Variants in TPR observed in about 807,000 individuals in gnomAD.
TPR encodes the protein nucleoprotein TPR.
Under a neutral mutation model 316.1 loss-of-function variants are expected in TPR, and 51 were observed. The observed-to-expected ratio is 0.16, with a 90% CI of 0.13 to 0.20. The LOEUF (loss-of-function observed/expected upper bound fraction) is 0.20, where lower values mean the gene tolerates loss of function less well. Among genes scored for constraint, TPR ranks in the 10% least tolerant of loss-of-function variants. The pLI is 1.00. For synonymous variants in TPR, 981 were observed against 914.7 expected, an observed-to-expected ratio of 1.07 and a Z score of -1.31; for missense variants, 2,272 against 2,754.8, an observed-to-expected ratio of 0.82 and a Z score of 3.92.
At chr1:186,324,201 C>T (rs188293704) in intron 42 of TPR, among the ~76,000 whole-genome samples, 26 of 151,812 alleles carry the variant, frequency 1.7e-4, no homozygotes, top group East Asian at 5.8e-4. Context: ...GCTCTTAGCT[C>T]GACCTATGAT....
chr1:186,345,558 C>T, intron 24 of TPR, 22 bp downstream of exon 24: 1 of 1,549,242 alleles, frequency 6.5e-7, no homozygotes, highest in Non-Finnish European at 8.9e-7. Context: ...AAGCTCATTT[C>T]TCAATAATTG....
In TPR at chr1:186,312,777, C is replaced by G. The variant is rs750688165; in HGVS notation, c.*1194G>C. 1.2e-6 allele frequency: 2 copies of G among 1,612,822 alleles called. No individual in the cohort carries two copies. Among genetic ancestry groups the G allele is most frequent in the Non-Finnish European group, 1.7e-6 (2 of 1,179,012 alleles). On this transcript the variant is annotated 3_prime_UTR_variant, in exon 51 of 51. Transcript: ENST00000367478. Reference sequence around the variant, plus strand: ...AAACATGCCACTTACAGGTGTCCTTCATAATGAAGTTAAAGTGAGTATACT... The same window carrying G: ...AAACATGCCACTTACAGGTGTCCTTGATAATGAAGTTAAAGTGAGTATACT...
Position 186,368,626 on chromosome 1 carries a change from T to C in TPR, c.331-644A>G, listed in dbSNP as rs139368069. Among the ~76,000 whole-genome samples, 23 of 152,308 alleles carry C rather than the reference T, an allele frequency of 1.5e-4. No homozygotes were observed. The East Asian group carries it at 4.3e-3, about 28-fold the overall frequency. The stretch of plus-strand genomic sequence containing the variant: ...CCCTGTCTCAAAAACAAAAAACTTG[T>C]CAAACTGCTTCCCAGCAAAACAATG... On this transcript the variant is annotated intron_variant, in intron 3 of 50. Transcript: ENST00000367478.
rs372068256 is a variant in TPR at position 186,332,259 on chromosome 1, G to A, written c.5540C>T (p.Ser1847Phe). 2.1e-5 allele frequency: 34 copies of A among 1,612,624 alleles called. No individual in the cohort carries two copies. The highest frequency in any genetic ancestry group is 2.5e-5 in the Non-Finnish European group (29 of 1,179,358). ...AAGAGGCATTTCCACTGTATCATCA[G>A]AGACTTGGTCTGATGCTTCTATGGT... is the stretch of plus-strand genomic sequence containing the variant. ...DSTIEASDQV[S>F]DDTVEMPLPK... Residue 1847 changes from serine to phenylalanine, a missense_variant, in exon 38 of 51, where the codon TCT becomes TTT. Physicochemically the swap from Ser to Phe is radical, Grantham distance 155. Around this residue, in one of 10 missense-constraint regions of TPR, gnomAD observed 435 missense variants for 461.1 expected, o/e 0.94. Transcript: ENST00000367478.
At chr1:186,357,156 C>G (rs577276611) in intron 14 of TPR, among the ~76,000 whole-genome samples, 1 of 152,220 alleles carries the variant, frequency 6.6e-6, no homozygotes, top group Admixed American at 6.5e-5. Flanking sequence ...GTGATCCTCC[C>G]ACCTCAGCCT....
chr1:186,373,296 T>C, intron 2 of TPR, 63 bp downstream of exon 2: 1 of 1,162,222 alleles, frequency 8.6e-7, no homozygotes, highest in Non-Finnish European at 1.3e-6. Flanking sequence ...CCAAAGTATA[T>C]AAAGGAGTCT....
rs773537863 is a variant in TPR at position 186,335,414 on chromosome 1, C to T, written c.4835G>A (p.Arg1612His). 3 of 1,613,810 alleles carry T rather than the reference C, an allele frequency of 1.9e-6. No individual in the cohort carries two copies. The highest frequency in any genetic ancestry group is 2.2e-5 in the East Asian group (1 of 44,864). The change falls in exon 34 of 51, where the codon CGC becomes CAC. Residue 1612 changes from arginine to histidine, a missense_variant. Arg to His is a conservative substitution (Grantham distance 29). This residue lies in a region of TPR where 109 missense variants were observed against 215.3 expected (regional missense o/e 0.51). Coordinates refer to ENST00000367478, the MANE Select transcript of TPR (RefSeq NM_003292.3). The part of the protein sequence containing the change: ...LKSQYEGRIS[R>H]LERELREHQE... ...ATGCTCCCTGAGTTCTCTTTCCAAG[C>T]GACTAATTCGACCTTCATATTGGGA...
Position 186,314,674 on chromosome 1 carries a change from T to C in TPR, c.6991A>G (p.Thr2331Ala), listed in dbSNP as rs368457946. ...KPFRRVRLQTTLRQGVRGRQF... is the reference protein window; with the variant it reads ...KPFRRVRLQTALRQGVRGRQF... ...CGACCACGGACACCTTGTCTCAATG[T>C]TGTCTGAAGTCTTACTCGTCTGAAA... The change falls in exon 50 of 51, where the codon ACA (threonine) becomes GCA (alanine). Residue 2331 changes from threonine to alanine, a missense_variant. Physicochemically the swap from Thr to Ala is moderately conservative, Grantham distance 58. Around this residue, in one of 10 missense-constraint regions of TPR, gnomAD observed 123 missense variants for 142.3 expected, o/e 0.86. Coordinates refer to ENST00000367478, the MANE Select transcript of TPR (RefSeq NM_003292.3). 11 of 1,612,836 alleles carry C rather than the reference T, an allele frequency of 6.8e-6. No homozygotes were observed. Among genetic ancestry groups the C allele is most frequent in the East Asian group, 2.2e-5 (1 of 44,790 alleles).
chr1:186,366,844 A>G (rs762253697), intron 4 of TPR, among the ~76,000 whole-genome samples: 5 of 151,890 alleles, frequency 3.3e-5, no homozygotes, highest in Non-Finnish European at 5.9e-5. Context: ...TTAAAAAACT[A>G]TCTATTAAAT....
In TPR at chr1:186,313,614, A is replaced by G. The variant is rs376428198; in HGVS notation, c.*357T>C. ...ATTGTCTTTGAGCATAATAGTCAAC[A>G]TAAGTTATTTTTTAGTTTGGGCATT... On this transcript the variant is annotated 3_prime_UTR_variant, in exon 51 of 51. Coordinates refer to ENST00000367478, the MANE Select transcript of TPR (RefSeq NM_003292.3). 3.5e-5 allele frequency: 32 copies of G among 921,372 alleles called. No homozygotes were observed. The East Asian group carries it at 6.5e-4, about 19-fold the overall frequency. 57.1% of individuals were successfully genotyped at this position (921,372 alleles called of 1,614,324 possible). A position where few individuals can be genotyped will look rare whatever the true frequency, so the allele number is the denominator to read the frequency against.
chr1:186,318,734 T>C lies in TPR; in HGVS notation c.6663A>G (p.Pro2221=). 6.2e-7 allele frequency: 1 copy of C among 1,614,186 alleles called. No homozygotes were observed. The highest frequency in any genetic ancestry group is 8.5e-7 in the Non-Finnish European group (1 of 1,180,030). ...VPTTPLQVAA[P]VTVFTESTTS... ...CTACTATCTGCCTTTGATCCCTACC[T>C]GGGGCTGCTACTTGTAGTGGAGTAG... The change falls in exon 47 of 51, where the codon CCA becomes CCG. Residue 2221 remains proline (P), a splice_region_variant and synonymous_variant. Transcript: ENST00000367478.
chr1:186,341,570 A>G, intron 27 of TPR, 181 bp from the exon 28 acceptor site: 1 of 548,932 alleles, frequency 1.8e-6, no homozygotes, highest in Non-Finnish European at 3.1e-6. Context: ...GCAGACTTTA[A>G]ACAAATACAA....
intron 12 of TPR, 122 bp from the exon 13 acceptor site, chr1:186,358,772 T>C (rs906958103): frequency 4.0e-6 from 3 of 740,814 alleles, no homozygotes; most frequent in Non-Finnish European, 6.5e-6. Context: ...AAATCCTACA[T>C]AATATTGTAG....
In TPR at chr1:186,311,669, CTT is replaced by C; in HGVS notation, c.*2300_*2301del. The C allele has an allele frequency of 6.9e-7, 1 of 1,443,390 alleles. No individual in the cohort carries two copies. The highest frequency in any genetic ancestry group is 1.4e-5 in the African/African-American group (1 of 71,166). The allele number at this position is 1,443,390 out of a possible 1,614,324, so 89.4% of individuals were successfully genotyped here. On this transcript the variant is annotated 3_prime_UTR_variant, in exon 51 of 51. Coordinates refer to ENST00000367478, the MANE Select transcript of TPR (RefSeq NM_003292.3). ...ACTCAGCATTTTCATTTATTATTGACTTTACTGTCAAAAGATATCTTTAATGG... is the reference window on the plus strand; with the variant it reads ...ACTCAGCATTTTCATTTATTATTGACTACTGTCAAAAGATATCTTTAATGG...
intron 49 of TPR, among the ~76,000 whole-genome samples, chr1:186,315,448 T>C (rs1314929335): frequency 6.6e-6 from 1 of 152,066 alleles, no homozygotes; most frequent in Non-Finnish European, 1.5e-5. Context: ...ATGCAATCAT[T>C]AGCAAATCAT....
chr1:186,348,122 A>G (rs1365181210), intron 21 of TPR, among the ~76,000 whole-genome samples: 1 of 152,188 alleles, frequency 6.6e-6, no homozygotes, highest in African/African-American at 2.4e-5. Flanking sequence ...GGTTGGGCAA[A>G]AACAGCCATA....
intron 21 of TPR, 66 bp from the exon 22 acceptor site, chr1:186,347,524 G>A (rs3753564): frequency 6.6e-7 from 1 of 1,516,370 alleles, no homozygotes; most frequent in Non-Finnish European, 8.9e-7. Context: ...CTGTTATAAA[G>A]AGCTTATGAA....
chr1:186,326,248 T>C lies in TPR; in HGVS notation c.5890-13A>G, dbSNP rs1657928061. 1.9e-6 allele frequency: 3 copies of C among 1,596,948 alleles called. No homozygotes were observed. The highest frequency in any genetic ancestry group is 3.4e-5 in the Admixed American group (2 of 58,210). On this transcript the variant is annotated splice_polypyrimidine_tract_variant and intron_variant, in intron 40 of 50. Coordinates refer to ENST00000367478, the MANE Select transcript of TPR (RefSeq NM_003292.3). ...CCTCTTCATAATCCTAGTAGAAAGTTCCCCAGGCATAAATAAAAGTTTAGA... is the reference window on the plus strand; with the variant it reads ...CCTCTTCATAATCCTAGTAGAAAGTCCCCCAGGCATAAATAAAAGTTTAGA...
At chr1:186,319,749 TC>T (rs1401354282) in intron 46 of TPR, among the ~76,000 whole-genome samples, 1 of 152,194 alleles carries the variant, frequency 6.6e-6, no homozygotes, top group African/African-American at 2.4e-5. Context: ...TAATATGAAT[TC>T]CAACTGAGGA....
Sources: allele counts gnomAD v4.1 joint callset (sites outside exome capture counted in the v4.1 genomes callset), GRCh38; gene constraint gnomAD v4.1.1; regional missense constraint gnomAD v4.1.1; transcripts MANE v1.5; gene names NCBI Gene and HGNC (gene_info 2026-07-23, HGNC 2026-07-21).